Variants in RTN4RL1 observed in about 807,000 individuals in gnomAD.
RTN4RL1 encodes reticulon-4 receptor-like 1.
Under a neutral mutation model 25.6 loss-of-function variants are expected in RTN4RL1, and 7 were observed. That is an observed-to-expected ratio of 0.27 (90% CI 0.16 to 0.51). RTN4RL1 has a LOEUF of 0.51. RTN4RL1 is among the 20% of genes least tolerant of loss of function. The pLI is 0.97. For synonymous variants in RTN4RL1, 297 were observed against 288.2 expected, an observed-to-expected ratio of 1.03 and a Z score of -0.31; for missense variants, 500 against 615.6, an observed-to-expected ratio of 0.81 and a Z score of 1.99.
intron 1 of RTN4RL1, among the ~76,000 whole-genome samples, chr17:1,951,545 A>G (rs1421875183): frequency 6.6e-6 from 1 of 151,584 alleles, no homozygotes; most frequent in East Asian, 2.0e-4. Flanking sequence ...TCTGCCTCCG[A>G]GTTCAAGCGA....
chr17:1,968,458 T>C (rs2066802658), intron 1 of RTN4RL1, among the ~76,000 whole-genome samples: 1 of 152,158 alleles, frequency 6.6e-6, no homozygotes, highest in Non-Finnish European at 1.5e-5. Context: ...CCACTCCCCC[T>C]TCTCTATCGG....
At chr17:2,011,931 G>A (rs926659189) in intron 1 of RTN4RL1, among the ~76,000 whole-genome samples, 9 of 152,146 alleles carry the variant, frequency 5.9e-5, no homozygotes, top group Admixed American at 5.2e-4. Context: ...CGCTTGGGGA[G>A]ATTCTTTTTA....
chr17:1,986,067 C>A (rs2066886040), intron 1 of RTN4RL1, among the ~76,000 whole-genome samples: 1 of 152,082 alleles, frequency 6.6e-6, no homozygotes, highest in South Asian at 2.1e-4. Flanking sequence ...AACCACCTCT[C>A]TTGTCTCTAC....
chr17:1,995,738 G>C (rs573962278), intron 1 of RTN4RL1: 2 of 152,248 alleles, frequency 1.3e-5, no homozygotes, highest in Non-Finnish European at 2.9e-5. Flanking sequence ...TAATTGGTTC[G>C]AATCGATTGA....
chr17:1,939,229 T>C (rs1299238026), intron 1 of RTN4RL1, among the ~76,000 whole-genome samples: 1 of 149,464 alleles, frequency 6.7e-6, no homozygotes, highest in African/African-American at 2.5e-5. Context: ...GGCGCGCACT[T>C]GTAGTCCCAG....
At chr17:2,017,468 G>A (rs959362467) in intron 1 of RTN4RL1, among the ~76,000 whole-genome samples, 1 of 152,188 alleles carries the variant, frequency 6.6e-6, no homozygotes, top group African/African-American at 2.4e-5. Flanking sequence ...CTGACATGTG[G>A]CACACACAGC....
rs577284713 is a variant in RTN4RL1, at chr17:1,948,839, C to T, written c.14-11031G>A. Among the ~76,000 whole-genome samples, 8 of 152,194 alleles carry T rather than the reference C, an allele frequency of 5.3e-5. No homozygotes were observed. In the South Asian group the frequency reaches 1.7e-3, roughly 32 times the overall value. On this transcript the variant is annotated intron_variant, in intron 1 of 1. Coordinates refer to ENST00000331238, the MANE Select transcript of RTN4RL1 (RefSeq NM_178568.4). ...TTTGAGACAATCTCAGTCGCCCAGG[C>T]TGGAGTGCAGTGGTGAAATCTTGGC...
intron 1 of RTN4RL1, among the ~76,000 whole-genome samples, chr17:1,970,999 G>A (rs1186275946): frequency 2.6e-5 from 4 of 152,166 alleles, no homozygotes; most frequent in African/African-American, 9.7e-5. Flanking sequence ...CTTACCACGT[G>A]CCAGTGACTG....
At chr17:1,959,039 G>A (rs1282170640) in intron 1 of RTN4RL1, among the ~76,000 whole-genome samples, 6 of 152,230 alleles carry the variant, frequency 3.9e-5, no homozygotes, top group Admixed American at 2.6e-4. Flanking sequence ...AAAACACGCC[G>A]GTGGGCGAGC....
At position 1,935,692 on chromosome 17, in the gene RTN4RL1, AG is replaced by A; in HGVS notation, c.*803del. On this transcript the variant is annotated 3_prime_UTR_variant, in exon 2 of 2. Transcript: ENST00000331238. ...ACGTACAGTTAGGTAACGGAGTGGG[AG>A]GGGGACTGTGCATTTGTGTATATAT... 2.3e-6 allele frequency: 2 copies of A among 857,566 alleles called. No individual in the cohort carries two copies. Among genetic ancestry groups the A allele is most frequent in the Non-Finnish European group, 2.7e-6 (2 of 728,406 alleles). 53.1% of individuals were successfully genotyped at this position (857,566 alleles called of 1,614,324 possible). A position where few individuals can be genotyped will look rare whatever the true frequency, so the allele number is the denominator to read the frequency against.
chr17:1,971,766 T>C (rs968191947), intron 1 of RTN4RL1, among the ~76,000 whole-genome samples: 23 of 151,762 alleles, frequency 1.5e-4, no homozygotes, highest in Non-Finnish European at 2.9e-4. Flanking sequence ...ATCGAGACCA[T>C]CCTAGCTAAC....
At chr17:1,952,293 C>T (rs1314577573) in intron 1 of RTN4RL1, among the ~76,000 whole-genome samples, 2 of 147,428 alleles carry the variant, frequency 1.4e-5, no homozygotes, top group African/African-American at 5.0e-5. Context: ...AGCGGAGAAA[C>T]GGGGCTGGAC....
In RTN4RL1 at chr17:1,959,785, G is replaced by A. The variant is rs540170228; in HGVS notation, c.14-21977C>T. Among the ~76,000 whole-genome samples, 4 of 152,192 alleles carry A rather than the reference G, an allele frequency of 2.6e-5. No individual in the cohort carries two copies. The East Asian group carries it at 5.8e-4, about 22-fold the overall frequency. ...TCGCCATGTGGGCCCAGCTGGTTTC[G>A]AACTCCTGACCTCGTGATCCACCCA... On this transcript the variant is annotated intron_variant, in intron 1 of 1. Coordinates refer to ENST00000331238, the MANE Select transcript of RTN4RL1 (RefSeq NM_178568.4).
intron 1 of RTN4RL1, among the ~76,000 whole-genome samples, chr17:1,993,803 A>G (rs1049459548): frequency 2.0e-5 from 3 of 152,018 alleles, no homozygotes; most frequent in African/African-American, 7.2e-5. Context: ...AAAAATTCCG[A>G]TAACAAAAAC....
At chr17:1,965,734 G>A (rs1018360308) in intron 1 of RTN4RL1, among the ~76,000 whole-genome samples, 2 of 152,150 alleles carry the variant, frequency 1.3e-5, no homozygotes, top group Non-Finnish European at 2.9e-5. Context: ...CCCTGGCCCC[G>A]CCAGGCCCCC....
In RTN4RL1 at chr17:1,971,729, G is replaced by A. The variant is rs181780027; in HGVS notation, c.14-33921C>T. Among the ~76,000 whole-genome samples the A allele has an allele frequency of 8.7e-3, 1,319 of 152,150 alleles. 22 individuals carry two copies. The highest frequency in any genetic ancestry group is 0.03 in the African/African-American group (1,259 of 41,502). On this transcript the variant is annotated intron_variant, in intron 1 of 1. Coordinates refer to ENST00000331238, the MANE Select transcript of RTN4RL1 (RefSeq NM_178568.4). The stretch of plus-strand genomic sequence containing the variant: ...TGTAATCCCAGCACTTTGGGGGGCA[G>A]AGGCGGGTGGATCACGAGGTCAGGA...
In RTN4RL1 at chr17:2,009,750, A is replaced by T. The variant is rs1391452017; in HGVS notation, c.13+15103T>A. On this transcript the variant is annotated intron_variant, in intron 1 of 1. Transcript: ENST00000331238. ...CACTTCTCCTCCTGCCCGCTGCCAT[A>T]GCTGTTGCCTTGGTCCCTGAACCCC... Among the ~76,000 whole-genome samples, 15 of 127,720 alleles carry T rather than the reference A, an allele frequency of 1.2e-4. 6 individuals are homozygous for T. Among genetic ancestry groups the T allele is most frequent in the African/African-American group, 4.5e-4 (15 of 33,358 alleles). 83.8% of individuals were successfully genotyped at this position (127,720 alleles called of 152,430 possible). A position where few individuals can be genotyped will look rare whatever the true frequency, so the allele number is the denominator to read the frequency against.
intron 1 of RTN4RL1, among the ~76,000 whole-genome samples, chr17:1,961,057 T>C (rs1176693445): frequency 6.6e-6 from 1 of 152,206 alleles, no homozygotes; most frequent in Admixed American, 6.5e-5. Context: ...TTTATTGTCT[T>C]TCCCCTTGTC....
chr17:1,937,657 G>A lies in RTN4RL1; in HGVS notation c.165C>T (p.Asp55=). The change falls in exon 2 of 2, where the codon GAC becomes GAT. Residue 55 remains aspartate (D), a synonymous_variant. Coordinates refer to ENST00000331238, the MANE Select transcript of RTN4RL1 (RefSeq NM_178568.4). ...TGTTCTGCAGGAAGACGCGCTCGCT[G>A]TCCACGGGGATGCCCTCCGGGATGG... The part of the protein sequence containing the change: ...FAAIPEGIPV[D]SERVFLQNNR... 1.2e-6 allele frequency: 2 copies of A among 1,613,814 alleles called. No homozygotes were observed. Among genetic ancestry groups the A allele is most frequent in the Non-Finnish European group, 1.7e-6 (2 of 1,179,816 alleles).
Sources: allele counts gnomAD v4.1 joint callset (sites outside exome capture counted in the v4.1 genomes callset), GRCh38; gene constraint gnomAD v4.1.1; transcripts MANE v1.5; gene names NCBI Gene and HGNC (gene_info 2026-07-23, HGNC 2026-07-21).